CNBD1: variants seen among roughly 807,000 people sequenced by gnomAD.
CNBD1 encodes cyclic nucleotide binding domain containing 1.
In CNBD1, 71 loss-of-function variants were observed where a neutral mutation model predicts 54.4. The observed-to-expected ratio is 1.30, with a 90% CI of 1.08 to 1.59. CNBD1 has a LOEUF of 1.59. Among genes scored for constraint, CNBD1 ranks in the 40% most tolerant of loss-of-function variants. The probability of loss-of-function intolerance (pLI) is 0.00; values close to 1 mark genes in which losing one functional copy is unlikely to be tolerated. For synonymous variants in CNBD1, 182 were observed against 170.7 expected (o/e 1.07, Z -0.51); for missense variants, 659 against 518.0 (o/e 1.27, Z -2.64).
downstream of CNBD1, among the ~76,000 whole-genome samples, chr8:87,384,084 T>C (rs945527621): frequency 1.3e-5 from 2 of 152,108 alleles, no homozygotes; most frequent in Non-Finnish European, 2.9e-5. Flanking sequence ...ATCATTTGGC[T>C]TGTCCTTTAT....
At chr8:87,296,609 A>ATG (rs954237485) in intron 8 of CNBD1, among the ~76,000 whole-genome samples, 1 of 78,152 alleles carries the variant, frequency 1.3e-5, no homozygotes, top group African/African-American at 4.7e-5. Context: ...AATTTGGTAT[A>ATG]TATATATACA....
At position 87,061,789 on chromosome 8, in the gene CNBD1, C is replaced by A. The variant is rs138597683; in HGVS notation, c.431+122035C>A. On this transcript the variant is annotated intron_variant, in intron 4 of 10. Transcript: ENST00000518476. ...GTGTAAAGTGTAGAGGCACGTTTTT[C>A]CCCAATATTAATAGTTATTTTAAAA... 4.3e-4 allele frequency among the ~76,000 whole-genome samples: 65 copies of A among 152,172 alleles called. No individual in the cohort carries two copies. In the East Asian group the frequency reaches 0.012, roughly 29 times the overall value.
intron 4 of CNBD1, among the ~76,000 whole-genome samples, chr8:87,082,186 C>G (rs1190164587): frequency 2.0e-5 from 3 of 152,046 alleles, no homozygotes; most frequent in African/African-American, 7.2e-5. Context: ...AATCAATCGA[C>G]CTTGTGACAT....
intron 4 of CNBD1, among the ~76,000 whole-genome samples, chr8:87,043,031 C>A (rs1234904300): frequency 6.6e-6 from 1 of 152,072 alleles, no homozygotes; most frequent in Non-Finnish European, 1.5e-5. Flanking sequence ...TAAGGAAAGG[C>A]AGATTTATTA....
chr8:87,323,788 C>G lies in CNBD1; in HGVS notation c.1043-27897C>G, dbSNP rs1257343377. Among the ~76,000 whole-genome samples the G allele has an allele frequency of 2.0e-5, 2 of 101,992 alleles. 1 individual carries two copies. The highest frequency in any genetic ancestry group is 4.8e-5 in the Non-Finnish European group (2 of 41,328). The allele number at this position is 101,992 out of a possible 152,430, so 66.9% of individuals were successfully genotyped here. On this transcript the variant is annotated intron_variant, in intron 8 of 10. Transcript: ENST00000518476. ...CTTCCTCTTTTCCTAATTGAATACC[C>G]TTTATTTCCTTCTCCTGCCTGATTG... is the stretch of plus-strand genomic sequence containing the variant.
chr8:87,089,399 G>A (rs541252233), intron 4 of CNBD1, among the ~76,000 whole-genome samples: 8 of 152,160 alleles, frequency 5.3e-5, no homozygotes, highest in South Asian at 2.1e-4. Context: ...ATGTTATCAC[G>A]TATTCCAAGC....
chr8:87,338,290 GAT>G (rs1391518624), intron 8 of CNBD1, among the ~76,000 whole-genome samples: 2 of 152,028 alleles, frequency 1.3e-5, no homozygotes, highest in African/African-American at 4.8e-5. Context: ...TCATTATATA[GAT>G]ATGAGTTTCT....
At chr8:87,288,030 G>A (rs1808727780) in intron 8 of CNBD1, among the ~76,000 whole-genome samples, 1 of 151,842 alleles carries the variant, frequency 6.6e-6, no homozygotes, top group African/African-American at 2.4e-5. Context: ...GTAGTAAACT[G>A]ACTTGTAAAA....
At chr8:87,018,805 G>A (rs995968888) in intron 4 of CNBD1, among the ~76,000 whole-genome samples, 11 of 152,100 alleles carry the variant, frequency 7.2e-5, no homozygotes, top group Admixed American at 3.3e-4. Flanking sequence ...AGGTAGGCAC[G>A]TAAGATTGTA....
chr8:86,899,112 G>A (rs183065468), intron 2 of CNBD1, among the ~76,000 whole-genome samples: 119 of 129,468 alleles, frequency 9.2e-4, no homozygotes, highest in African/African-American at 3.5e-3. Flanking sequence ...ACTTATATGT[G>A]AAATTTAAAA....
Position 87,284,700 on chromosome 8 carries a change from G to A in CNBD1, c.794G>A (p.Gly265Glu). The change falls in exon 7 of 11, where the codon GGG becomes GAG. Residue 265 changes from glycine (G) to glutamate (E), a missense_variant. Coordinates refer to ENST00000518476, the MANE Select transcript of CNBD1 (RefSeq NM_173538.3). ...DSMLSKWSTF[G>E]TLEVMPQNES... is the part of the protein sequence containing the mutation. Reference sequence around the variant, plus strand: ...CAGCTTAGCAAATGGAGTACCTTTGGGACTCTGGAAGTTATGCCTCAGAAT... The same window carrying A: ...CAGCTTAGCAAATGGAGTACCTTTGAGACTCTGGAAGTTATGCCTCAGAAT... The A allele has an allele frequency of 6.2e-7, 1 of 1,605,056 alleles. No individual in the cohort carries two copies. The highest frequency in any genetic ancestry group is 1.7e-4 in the Middle Eastern group (1 of 6,024).
chr8:87,390,007 C>T (rs1035503487), intron 2 of CNBD1, among the ~76,000 whole-genome samples: 38 of 132,974 alleles, frequency 2.9e-4, no homozygotes, highest in Non-Finnish European at 6.1e-4. Flanking sequence ...AAAGGATTCC[C>T]TATTTAATAA....
chr8:87,321,868 A>G lies in CNBD1; in HGVS notation c.1043-29817A>G, dbSNP rs962452702. 3.4e-5 allele frequency among the ~76,000 whole-genome samples: 5 copies of G among 148,056 alleles called. 1 individual carries two copies. The South Asian group carries it at 1.1e-3, about 32-fold the overall frequency. ...TGCACATTGTGCAGGTTAGTTACAT[A>G]TGTATACATGTGCCATGCTGGTGTG... On this transcript the variant is annotated intron_variant, in intron 8 of 10. Transcript: ENST00000518476.
chr8:86,871,410 A>G (rs191577396), intron 1 of CNBD1, among the ~76,000 whole-genome samples: 68 of 152,348 alleles, frequency 4.5e-4, no homozygotes, highest in African/African-American at 1.5e-3. Flanking sequence ...ACTGTGAACT[A>G]GATTTACTTG....
intron 1 of CNBD1, among the ~76,000 whole-genome samples, chr8:86,880,739 G>A (rs1808595190): frequency 6.6e-6 from 1 of 151,918 alleles, no homozygotes; most frequent in African/African-American, 2.4e-5. Flanking sequence ...AAAACTTCAG[G>A]CCAATAACCT....
At chr8:87,142,898 A>G (rs1262496850) in intron 4 of CNBD1, among the ~76,000 whole-genome samples, 1 of 4,758 alleles carries the variant, frequency 2.1e-4, no homozygotes, top group East Asian at 0.038. Context: ...GCATTCATTC[A>G]ACAAATGTTG....
chr8:87,194,901 T>C (rs2130788695), intron 4 of CNBD1, among the ~76,000 whole-genome samples: 1 of 152,286 alleles, frequency 6.6e-6, no homozygotes, highest in Non-Finnish European at 1.5e-5. Flanking sequence ...TTTGTTTTGT[T>C]GAGACAGAGT....
At chr8:87,281,559 T>G (rs1358645273) in intron 6 of CNBD1, among the ~76,000 whole-genome samples, 518 of 9,318 alleles carry the variant, frequency 0.056, 10 homozygotes, top group African/African-American at 0.18. Flanking sequence ...TATATATATA[T>G]ATATATATAT....
At chr8:87,272,846 A>G (rs956138675) in intron 6 of CNBD1, among the ~76,000 whole-genome samples, 1 of 152,016 alleles carries the variant, frequency 6.6e-6, no homozygotes, top group Non-Finnish European at 1.5e-5. Flanking sequence ...ATTTATGATT[A>G]TTTAAATTAG....
Sources: gnomAD v4.1 joint callset for allele counts (sites outside exome capture counted in the v4.1 genomes callset) on GRCh38, gnomAD v4.1.1 for gene constraint, MANE v1.5 for transcripts, NCBI Gene and HGNC (gene_info 2026-07-23, HGNC 2026-07-21) for gene names.